KIF16B: variants seen among roughly 807,000 people sequenced by gnomAD.
KIF16B encodes the protein kinesin family member 16B, also known as kinesin-like protein KIF16B.
In KIF16B, 98 loss-of-function variants were observed where a neutral mutation model predicts 156.3. The observed-to-expected ratio is 0.63, with a 90% CI of 0.53 to 0.74. The LOEUF (loss-of-function observed/expected upper bound fraction) is 0.74. Among genes scored for constraint, KIF16B ranks in the 30% least tolerant of loss-of-function variants. KIF16B has a pLI of 0.00. For missense variants in KIF16B, 1,421 were observed against 1,606.5 expected, an observed-to-expected ratio of 0.88 and a Z score of 1.97; for synonymous variants, 564 against 583.7, an observed-to-expected ratio of 0.97 and a Z score of 0.49.
intron 12 of KIF16B, among the ~76,000 whole-genome samples, chr20:16,432,059 G>A (rs530622394): frequency 1.3e-5 from 2 of 151,898 alleles, no homozygotes; most frequent in South Asian, 4.1e-4. Flanking sequence ...AGAGTTCAGT[G>A]GAATGCAGAG....
At chr20:16,495,534 T>G (rs2068425429) in intron 11 of KIF16B, among the ~76,000 whole-genome samples, 1 of 152,192 alleles carries the variant, frequency 6.6e-6, no homozygotes, top group South Asian at 2.1e-4. Flanking sequence ...CAAATAAGAC[T>G]GTGGGAATTC....
rs78152041 is a variant in KIF16B, at chr20:16,296,500, C to T, written c.3795+15835G>A. On this transcript the variant is annotated intron_variant, in intron 25 of 25. Coordinates refer to ENST00000354981, the MANE Select transcript of KIF16B (RefSeq NM_024704.5). ...CAGCTCTAAGTCTGCCATCTTGAGT[C>T]GTTCTGTGCTACTTTCTTCTGATGC... 4.3e-4 allele frequency among the ~76,000 whole-genome samples: 66 copies of T among 152,252 alleles called. 1 individual carries two copies. The highest frequency in any genetic ancestry group is 1.5e-3 in the African/African-American group (64 of 41,528).
intron 25 of KIF16B, among the ~76,000 whole-genome samples, chr20:16,300,139 C>T (rs565897562): frequency 3.3e-5 from 5 of 152,220 alleles, no homozygotes; most frequent in South Asian, 2.1e-4. Flanking sequence ...AACATTTTAA[C>T]ACGGAAAGGG....
rs542372685 is a variant in KIF16B at position 16,428,722 on chromosome 20, T to C, written c.1474+231A>G. ...AATGTAGGGTGGGAGAAAGGGTTTA[T>C]TGGCCCACTTTATTCACCAAATTAG... is the stretch of plus-strand genomic sequence containing the variant. On this transcript the variant is annotated intron_variant, in intron 14 of 25. Coordinates refer to ENST00000354981, the MANE Select transcript of KIF16B (RefSeq NM_024704.5). Among the ~76,000 whole-genome samples the C allele has an allele frequency of 2.0e-5, 3 of 152,298 alleles. No individual in the cohort carries two copies. The East Asian group carries it at 5.8e-4, about 29-fold the overall frequency.
At chr20:16,457,734 C>A (rs1187690976) in intron 12 of KIF16B, among the ~76,000 whole-genome samples, 1 of 152,038 alleles carries the variant, frequency 6.6e-6, no homozygotes, top group Non-Finnish European at 1.5e-5. Context: ...TATAAAAAAT[C>A]ATAGTAAGGC....
At chr20:16,353,940 G>C (rs540553162) in intron 23 of KIF16B, among the ~76,000 whole-genome samples, 1 of 152,138 alleles carries the variant, frequency 6.6e-6, no homozygotes, top group Non-Finnish European at 1.5e-5. Flanking sequence ...ACCTAGGGAC[G>C]AACAGAAAAA....
Position 16,564,943 on chromosome 20 carries a change from G to A in KIF16B, c.47+8286C>T, listed in dbSNP as rs1276551531. On this transcript the variant is annotated intron_variant, in intron 1 of 25. Transcript: ENST00000354981. Reference sequence around the variant, plus strand: ...CAAGCCTTGAGCCCCCTGGTCAGGCGTGACATTCTACTCTCCTGCCTTCCT... The same window carrying A: ...CAAGCCTTGAGCCCCCTGGTCAGGCATGACATTCTACTCTCCTGCCTTCCT... Among the ~76,000 whole-genome samples the A allele has an allele frequency of 3.9e-5, 6 of 151,998 alleles. No individual in the cohort carries two copies. In the East Asian group the frequency reaches 7.7e-4, roughly 20 times the overall value.
intron 12 of KIF16B, among the ~76,000 whole-genome samples, chr20:16,479,599 G>A (rs1236830910): frequency 6.6e-6 from 1 of 152,064 alleles, no homozygotes; most frequent in Non-Finnish European, 1.5e-5. Context: ...GTCAGCAATG[G>A]ACCACACATG....
chr20:16,370,111 G>A (rs146472562), intron 22 of KIF16B, among the ~76,000 whole-genome samples: 1 of 152,292 alleles, frequency 6.6e-6, no homozygotes, highest in African/African-American at 2.4e-5. Context: ...ATGCCTCTCA[G>A]TGGAGGAGAA....
chr20:16,515,984 T>A (rs1241361656), intron 3 of KIF16B, among the ~76,000 whole-genome samples: 2 of 152,228 alleles, frequency 1.3e-5, no homozygotes, highest in African/African-American at 4.8e-5. Flanking sequence ...AGCATGATGA[T>A]TAGCCATTCA....
intron 1 of KIF16B, among the ~76,000 whole-genome samples, chr20:16,530,718 TGA>T (rs2069717305): frequency 6.6e-6 from 1 of 152,104 alleles, no homozygotes; most frequent in Admixed American, 6.5e-5. Flanking sequence ...TGGTTTTTTT[TGA>T]GACAGGGTTT....
intron 18 of KIF16B, 77 bp downstream of exon 18, chr20:16,381,617 A>G: frequency 1.9e-6 from 2 of 1,069,922 alleles, no homozygotes; most frequent in Non-Finnish European, 2.8e-6. Context: ...AAGCAGACAC[A>G]GATGGAATCA....
At chr20:16,435,235 G>A (rs2066612504) in intron 12 of KIF16B, among the ~76,000 whole-genome samples, 2 of 152,158 alleles carry the variant, frequency 1.3e-5, no homozygotes, top group African/African-American at 2.4e-5. Flanking sequence ...GTTTGAGAAC[G>A]TTGCTTCTTG....
At chr20:16,321,308 T>A (rs2063770279) in intron 24 of KIF16B, among the ~76,000 whole-genome samples, 1 of 152,126 alleles carries the variant, frequency 6.6e-6, no homozygotes, top group Non-Finnish European at 1.5e-5. Context: ...TAAAAAGTGA[T>A]TATTCTTTTT....
chr20:16,537,601 G>T (rs1248715291), intron 1 of KIF16B, among the ~76,000 whole-genome samples: 1 of 151,598 alleles, frequency 6.6e-6, no homozygotes, highest in Non-Finnish European at 1.5e-5. Flanking sequence ...TCCCACGTGG[G>T]TCTCCCTATG....
At chr20:16,550,882 C>T (rs914155305) in intron 1 of KIF16B, among the ~76,000 whole-genome samples, 2 of 151,886 alleles carry the variant, frequency 1.3e-5, no homozygotes, top group African/African-American at 2.4e-5. Flanking sequence ...AGGGCTAGAA[C>T]GGGTGTTCTA....
chr20:16,510,481 C>A (rs1300917705), intron 6 of KIF16B, among the ~76,000 whole-genome samples: 1 of 152,096 alleles, frequency 6.6e-6, no homozygotes, highest in Non-Finnish European at 1.5e-5. Flanking sequence ...GAAACCCTGT[C>A]TCTACTAAAA....
chr20:16,376,451 G>A (rs897071468), intron 19 of KIF16B, among the ~76,000 whole-genome samples: 2 of 152,198 alleles, frequency 1.3e-5, no homozygotes, highest in African/African-American at 2.4e-5. Flanking sequence ...GGAATTTTAC[G>A]AGGGGCCAAG....
At chr20:16,458,509 T>C (rs1233572424) in intron 12 of KIF16B, among the ~76,000 whole-genome samples, 1 of 152,240 alleles carries the variant, frequency 6.6e-6, no homozygotes, top group African/African-American at 2.4e-5. Flanking sequence ...ATCTCATGTG[T>C]ATGGGTAGTA....
Sources: gnomAD v4.1 joint callset for allele counts (sites outside exome capture counted in the v4.1 genomes callset) on GRCh38, gnomAD v4.1.1 for gene constraint, MANE v1.5 for transcripts, NCBI Gene and HGNC (gene_info 2026-07-23, HGNC 2026-07-21) for gene names.